The following PHKA2 variants were observed in gnomAD, a reference collection of about 807,000 sequenced individuals.
PHKA2 encodes phosphorylase b kinase regulatory subunit alpha, liver isoform.
Under a neutral mutation model 102.0 loss-of-function variants are expected in PHKA2, and 31 were observed. The ratio of observed to expected loss-of-function variants is 0.30; its 90% CI spans 0.23 to 0.41. The LOEUF (loss-of-function observed/expected upper bound fraction) is 0.41, where lower values mean the gene tolerates loss of function less well. PHKA2 is among the 10% of genes least tolerant of loss of function. PHKA2 has a pLI of 1.00. For missense variants in PHKA2, 858 were observed against 1,023.1 expected (o/e 0.84, Z 2.20); for synonymous variants, 455 against 416.2 (o/e 1.09, Z -1.13).
In PHKA2 at chrX:18,920,120, C is replaced by T; in HGVS notation, c.1875G>A (p.Glu625=). The change falls in exon 18 of 33, where the codon GAG becomes GAA. Residue 625 remains glutamate (E), a synonymous_variant. Transcript: ENST00000379942. ...CTTCGCTGGCATTGTCAAACAACTT[C>T]TCATCACAGTCTGGATCCAGAAAAG... The part of the protein sequence containing the change: ...YLTFLDPDCD[E]KLFDNASEGT... 3.5e-6 allele frequency: 4 copies of T among 1,146,109 alleles called. No individual in the cohort carries two copies. The highest frequency in any genetic ancestry group is 1.8e-5 in the African/African-American group (1 of 56,735). 94.5% of individuals were successfully genotyped at this position (1,146,109 alleles called of 1,213,427 possible). A position where few individuals can be genotyped will look rare whatever the true frequency, so the allele number is the denominator to read the frequency against.
rs151036725 is a variant in PHKA2 at position 18,931,667 on chromosome X, A to G, written c.1219T>C (p.Tyr407His). The G allele has an allele frequency of 4.1e-5, 49 of 1,202,824 alleles. No individual in the cohort carries two copies. In the African/African-American group the frequency reaches 7.2e-4, roughly 18 times the overall value. The change falls in exon 12 of 33, where the codon TAC becomes CAC. Residue 407 changes from tyrosine to histidine, a missense_variant. Tyr to His is a moderately conservative substitution (Grantham distance 83). Transcript: ENST00000379942. ...TCTGCCAACAGCGAGCTGAGGATGT[A>G]CAAGGATTGGCCCCACAGATGAGGC... ...KVPHLWGQSL[Y>H]ILSSLLAEGF...
In PHKA2 at chrX:18,897,209, C is replaced by T. The variant is rs1364667606; in HGVS notation, c.3236G>A (p.Arg1079Lys). 1.7e-6 allele frequency: 2 copies of T among 1,209,672 alleles called. No homozygotes were observed. The highest frequency in any genetic ancestry group is 2.2e-6 in the Non-Finnish European group (2 of 895,052). The change falls in exon 30 of 33, where the codon AGG (arginine) becomes AAG (lysine). Residue 1079 changes from arginine (R) to lysine (K), a missense_variant. Around this residue, in one of 2 missense-constraint regions of PHKA2, gnomAD observed 671 missense variants for 745.2 expected, o/e 0.90. Transcript: ENST00000379942. ...CCTCTGGTAGAATCCCACGGGGACC[C>T]TGTTGATGGCCCCATCCAGCCTTCT... ...RRRRLDGAIN[R>K]VPVGFYQRVW... is the part of the protein sequence containing the mutation.
At chrX:18,969,968 G>A (rs2048998524) in intron 1 of PHKA2, among the ~76,000 whole-genome samples, 1 of 112,420 alleles carries the variant, frequency 8.9e-6, no homozygotes, top group South Asian at 3.6e-4. Flanking sequence ...GGCTGGATGT[G>A]ATGGCTCATG....
chrX:18,901,686 T>G (rs933980963), intron 26 of PHKA2, 83 bp from the exon 27 acceptor site: 10 of 645,580 alleles, frequency 1.5e-5, no homozygotes, highest in African/African-American at 4.4e-5. Flanking sequence ...TCTCCCCCAC[T>G]TGACAATGAG....
At chrX:18,954,492 T>C (rs1422309263) in intron 1 of PHKA2, 80 bp from the exon 2 acceptor site, 1 of 1,003,398 alleles carries the variant, frequency 1.0e-6, no homozygotes, top group Non-Finnish European at 1.4e-6. Context: ...CCTAACAGGG[T>C]AGATGAGGAC....
intron 1 of PHKA2, among the ~76,000 whole-genome samples, chrX:18,967,952 T>C (rs1304678349): frequency 8.9e-6 from 1 of 111,815 alleles, no homozygotes; most frequent in Non-Finnish European, 1.9e-5. Context: ...CTAAGAGCTT[T>C]TGTTTATATG....
intron 1 of PHKA2, among the ~76,000 whole-genome samples, chrX:18,955,742 C>G (rs1237508368): frequency 8.9e-6 from 1 of 112,284 alleles, no homozygotes; most frequent in Non-Finnish European, 1.9e-5. Context: ...CATAGTGATA[C>G]TGCCAATATT....
chrX:18,922,415 A>C (rs1238879963), intron 17 of PHKA2, among the ~76,000 whole-genome samples: 1 of 111,522 alleles, frequency 9.0e-6, no homozygotes, highest in Non-Finnish European at 1.9e-5. Context: ...TATACAGCAA[A>C]ACACTGGGGA....
At chrX:18,983,331 C>CAGTG (rs769531479) in intron 1 of PHKA2, among the ~76,000 whole-genome samples, 8 of 112,491 alleles carry the variant, frequency 7.1e-5, no homozygotes, top group Non-Finnish European at 1.1e-4. Context: ...CTGCTACATG[C>CAGTG]AGTGACCTTT....
chrX:18,913,860 G>A (rs918127156), intron 19 of PHKA2, among the ~76,000 whole-genome samples: 19 of 111,900 alleles, frequency 1.7e-4, no homozygotes, highest in African/African-American at 5.5e-4. Context: ...TCCACAGCTT[G>A]TCCCACTGGA....
intron 3 of PHKA2, among the ~76,000 whole-genome samples, chrX:18,952,228 A>C (rs1246809836): frequency 2.1e-5 from 2 of 96,644 alleles, no homozygotes; most frequent in African/African-American, 3.8e-5. Context: ...AATGGTACAC[A>C]CCTCAGGTGG....
rs1356442468 is a variant in PHKA2 at position 18,945,090 on chromosome X, T to C, written c.606A>G (p.Val202=). The C allele has an allele frequency of 5.9e-6, 7 of 1,190,403 alleles. No homozygotes were observed. The highest frequency in any genetic ancestry group is 4.3e-5 in the Admixed American group (2 of 46,057). ...GGACAACTGTCACCTTGGCCATTCC[T>C]ACGGAGCTTGCATTCAATTCCGGGA... The part of the protein sequence containing the change: ...QGIPELNASS[V]GMAKAALEAI... Residue 202 remains valine, a synonymous_variant, in exon 6 of 33, where the codon GTA becomes GTG. Coordinates refer to ENST00000379942, the MANE Select transcript of PHKA2 (RefSeq NM_000292.3).
At chrX:18,894,633 C>T in intron 31 of PHKA2, 6 of 446,276 alleles carry the variant, frequency 1.3e-5, no homozygotes, top group South Asian at 6.5e-5. Flanking sequence ...ATCTACCCTT[C>T]CCCCCATCGA....
chrX:18,980,744 C>A (rs2049160105), intron 1 of PHKA2, among the ~76,000 whole-genome samples: 1 of 111,888 alleles, frequency 8.9e-6, no homozygotes, highest in African/African-American at 3.3e-5. Context: ...GTCTCCTGGG[C>A]CCACTGTTCT....
intron 31 of PHKA2, 128 bp downstream of exon 31, chrX:18,895,010 G>T: frequency 1.5e-6 from 1 of 663,231 alleles, no homozygotes; most frequent in Non-Finnish European, 2.5e-6. Context: ...GGGCTAGACA[G>T]CTCAGAGCTA....
intron 1 of PHKA2, among the ~76,000 whole-genome samples, chrX:18,959,925 G>A (rs1358857332): frequency 9.0e-6 from 1 of 111,133 alleles, no homozygotes; most frequent in Non-Finnish European, 1.9e-5. Flanking sequence ...CTATGAGAAG[G>A]GGCCACAGAG....
intron 1 of PHKA2, among the ~76,000 whole-genome samples, chrX:18,972,121 TC>T (rs1199999420): frequency 3.5e-5 from 4 of 112,783 alleles, no homozygotes; most frequent in African/African-American, 1.3e-4. Flanking sequence ...AGGTCTTTAT[TC>T]CCTCTGGAAT....
chrX:18,956,369 TGTTGG>T (rs1453344506), intron 1 of PHKA2, among the ~76,000 whole-genome samples: 1 of 111,568 alleles, frequency 9.0e-6, no homozygotes, highest in Non-Finnish European at 1.9e-5. Flanking sequence ...TTCTGAGGTC[TGTTGG>T]GTAAGCCGGG....
chrX:18,951,395 G>T, intron 3 of PHKA2, 123 bp from the exon 4 acceptor site: 1 of 702,348 alleles, frequency 1.4e-6, no homozygotes, highest in Non-Finnish European at 2.3e-6. Context: ...CCAGAGGGAT[G>T]GAAGGCAGCT....
Sources: allele counts gnomAD v4.1 joint callset (sites outside exome capture counted in the v4.1 genomes callset), GRCh38; gene constraint gnomAD v4.1.1; regional missense constraint gnomAD v4.1.1; transcripts MANE v1.5; gene names NCBI Gene and HGNC (gene_info 2026-07-23, HGNC 2026-07-21).